Variants in B3GAT2 observed in about 807,000 individuals in gnomAD.
B3GAT2 encodes the protein beta-1,3-glucuronyltransferase 2.
In B3GAT2, 26 loss-of-function variants were observed where a neutral mutation model predicts 27.8. The ratio of observed to expected loss-of-function variants is 0.93; its 90% confidence interval spans 0.68 to 1.30. B3GAT2 has a LOEUF of 1.30. B3GAT2 is among the 50% of genes most tolerant of loss of function. B3GAT2 has a pLI of 0.00. For missense variants in B3GAT2, 458 were observed against 459.0 expected (o/e 1.00, Z 0.02); for synonymous variants, 218 against 195.1 (o/e 1.12, Z -0.98).
chr6:70,859,429 G>A lies in B3GAT2; in HGVS notation c.*2234C>T. ...TGTCCTTTAGTAGGTATGAAGACGTGATCTGCTTCTTCAGACACTTATGCC... is the reference window on the plus strand; with the variant it reads ...TGTCCTTTAGTAGGTATGAAGACGTAATCTGCTTCTTCAGACACTTATGCC... On this transcript the variant is annotated 3_prime_UTR_variant, in exon 4 of 4. Transcript: ENST00000230053. 1 of 1,502,628 alleles carries A rather than the reference G, an allele frequency of 6.7e-7. No individual in the cohort carries two copies. The highest frequency in any genetic ancestry group is 9.0e-7 in the Non-Finnish European group (1 of 1,107,202). 93.1% of individuals were successfully genotyped at this position (1,502,628 alleles called of 1,614,324 possible). A position where few individuals can be genotyped will look rare whatever the true frequency, so the allele number is the denominator to read the frequency against.
At chr6:70,908,609 A>C (rs1772638003) in intron 1 of B3GAT2, among the ~76,000 whole-genome samples, 1 of 152,224 alleles carries the variant, frequency 6.6e-6, no homozygotes. Flanking sequence ...CCATTTATGT[A>C]CATTTAAAAT....
Position 70,859,248 on chromosome 6 carries a change from GT to G in B3GAT2, c.*2414del. ...GTATGTGCTAAGTGTCAGTCACATG[GT>G]CAACATGCTGAAGCACACCCAGCTC... On this transcript the variant is annotated 3_prime_UTR_variant, in exon 4 of 4. Transcript: ENST00000230053. 1 of 954,824 alleles carries G rather than the reference GT, an allele frequency of 1.0e-6. No individual in the cohort carries two copies. Among genetic ancestry groups the G allele is most frequent in the Non-Finnish European group, 1.6e-6 (1 of 644,210 alleles). 59.1% of individuals were successfully genotyped at this position (954,824 alleles called of 1,614,324 possible). A position where few individuals can be genotyped will look rare whatever the true frequency, so the allele number is the denominator to read the frequency against.
chr6:70,923,381 T>TA (rs1467353909), intron 1 of B3GAT2, among the ~76,000 whole-genome samples: 11 of 152,156 alleles, frequency 7.2e-5, no homozygotes, highest in Admixed American at 2.0e-4. Context: ...CCAAGTCACT[T>TA]AAAACCCTGC....
intron 2 of B3GAT2, among the ~76,000 whole-genome samples, chr6:70,862,860 C>T (rs1582335643): frequency 6.6e-6 from 1 of 152,102 alleles, no homozygotes; most frequent in East Asian, 1.9e-4. Flanking sequence ...GCCTGTAGTC[C>T]CAGCTACTTA....
At chr6:70,865,167 C>T (rs1771829297) in intron 2 of B3GAT2, among the ~76,000 whole-genome samples, 1 of 152,138 alleles carries the variant, frequency 6.6e-6, no homozygotes, top group Admixed American at 6.5e-5. Flanking sequence ...ACTCTTGTTG[C>T]CCAGGCTGGA....
intron 2 of B3GAT2, among the ~76,000 whole-genome samples, chr6:70,887,584 G>A (rs1371834023): frequency 6.6e-6 from 1 of 152,180 alleles, no homozygotes; most frequent in Non-Finnish European, 1.5e-5. Context: ...AGGATAGTCC[G>A]GCTTCTGCCT....
chr6:70,901,452 C>T (rs1490447772), intron 1 of B3GAT2, among the ~76,000 whole-genome samples: 1 of 152,150 alleles, frequency 6.6e-6, no homozygotes, highest in Admixed American at 6.5e-5. Context: ...AAGAAGCATT[C>T]AAATAAGACA....
intron 1 of B3GAT2, among the ~76,000 whole-genome samples, chr6:70,899,555 T>A (rs1772457363): frequency 6.6e-6 from 1 of 152,144 alleles, no homozygotes; most frequent in Non-Finnish European, 1.5e-5. Context: ...TGCTACATTT[T>A]AAAAAGTTTG....
At chr6:70,920,725 T>C (rs963588214) in intron 1 of B3GAT2, among the ~76,000 whole-genome samples, 1 of 152,204 alleles carries the variant, frequency 6.6e-6, no homozygotes, top group African/African-American at 2.4e-5. Context: ...TGCTTTATAG[T>C]GTTCAGAGGT....
chr6:70,912,630 AGCTGGCCTTATATCAGGATGAT>A (rs148465049), intron 1 of B3GAT2, among the ~76,000 whole-genome samples: 72,581 of 151,078 alleles, frequency 0.48, 18,015 homozygotes, highest in East Asian at 0.68. Flanking sequence ...ATCAGGATGA[AGCTGGCCTTATATCAGGATGAT>A]GCTGGCCTTA....
chr6:70,937,425 CA>C, intron 1 of B3GAT2, among the ~76,000 whole-genome samples: 1 of 151,954 alleles, frequency 6.6e-6, no homozygotes, highest in African/African-American at 2.4e-5. Context: ...ATCCTGATAC[CA>C]AAGCCGGGCA....
chr6:70,948,766 A>G (rs915539447), intron 1 of B3GAT2, among the ~76,000 whole-genome samples: 3 of 152,216 alleles, frequency 2.0e-5, no homozygotes, highest in African/African-American at 7.2e-5. Context: ...AAGAACCCAC[A>G]TCGTCAAGTC....
chr6:70,871,599 G>A (rs1771939324), intron 2 of B3GAT2, among the ~76,000 whole-genome samples: 1 of 151,828 alleles, frequency 6.6e-6, no homozygotes, highest in Admixed American at 6.6e-5. Flanking sequence ...CCTGATTTTA[G>A]TAATGTGAGG....
intron 1 of B3GAT2, among the ~76,000 whole-genome samples, chr6:70,901,018 T>G (rs1432622624): frequency 6.6e-6 from 1 of 152,184 alleles, no homozygotes; most frequent in African/African-American, 2.4e-5. Context: ...GAAAGGGCAG[T>G]GCAAATATGA....
At chr6:70,932,315 GA>G (rs1773074510) in intron 1 of B3GAT2, among the ~76,000 whole-genome samples, 1 of 152,188 alleles carries the variant, frequency 6.6e-6, no homozygotes, top group African/African-American at 2.4e-5. Flanking sequence ...CAAAAGAACG[GA>G]AAGCAGGGAC....
intron 1 of B3GAT2, among the ~76,000 whole-genome samples, chr6:70,934,351 GCCCCCCACCCC>G (rs1773106811): frequency 1.3e-5 from 2 of 149,854 alleles, no homozygotes; most frequent in Non-Finnish European, 3.0e-5. Context: ...CTCTCGCTCT[GCCCCCCACCCC>G]CGCCCCACCC....
chr6:70,864,743 G>A (rs1399128989), intron 2 of B3GAT2, among the ~76,000 whole-genome samples: 4 of 152,152 alleles, frequency 2.6e-5, no homozygotes, highest in African/African-American at 7.2e-5. Flanking sequence ...TCTCCCCTCT[G>A]AAATCACAGT....
intron 1 of B3GAT2, among the ~76,000 whole-genome samples, chr6:70,900,740 C>A (rs1363153228): frequency 6.6e-6 from 1 of 152,128 alleles, no homozygotes; most frequent in African/African-American, 2.4e-5. Flanking sequence ...ATCAGAATGC[C>A]CTTAGAGCAA....
chr6:70,925,252 T>C (rs1772934868), intron 1 of B3GAT2, among the ~76,000 whole-genome samples: 1 of 152,218 alleles, frequency 6.6e-6, no homozygotes, highest in African/African-American at 2.4e-5. Context: ...AGACAGGAGA[T>C]TTCTGCATTT....
Sources: allele counts gnomAD v4.1 joint callset (sites outside exome capture counted in the v4.1 genomes callset), GRCh38; gene constraint gnomAD v4.1.1; transcripts MANE v1.5; gene names NCBI Gene and HGNC (gene_info 2026-07-23, HGNC 2026-07-21).